ADAM2: variants seen among roughly 807,000 people sequenced by gnomAD.
The protein encoded by ADAM2 is ADAM metallopeptidase domain 2, also known as disintegrin and metalloproteinase domain-containing protein 2.
A neutral mutation model predicts 99.3 loss-of-function variants in ADAM2; 101 were observed. That is an observed-to-expected ratio of 1.02 (90% CI 0.87 to 1.20). The LOEUF (loss-of-function observed/expected upper bound fraction) is 1.20. Among genes scored for constraint, ADAM2 ranks in the 50% most tolerant of loss-of-function variants. ADAM2 has a pLI of 0.00. For synonymous variants in ADAM2, 323 were observed against 287.6 expected, an observed-to-expected ratio of 1.12 and a Z score of -1.25; for missense variants, 948 against 878.7, an observed-to-expected ratio of 1.08 and a Z score of -1.00.
intron 7 of ADAM2, among the ~76,000 whole-genome samples, chr8:39,790,050 G>C (rs1273394570): frequency 6.6e-6 from 1 of 151,862 alleles, no homozygotes; most frequent in African/African-American, 2.4e-5. Context: ...AAGTGTTGGT[G>C]AGGATGTGAA....
intron 17 of ADAM2, 84 bp downstream of exon 17, chr8:39,749,583 G>GTGTA: frequency 3.1e-6 from 3 of 979,116 alleles, no homozygotes; most frequent in South Asian, 1.8e-5. Context: ...GTGTGTGTGT[G>GTGTA]TGCGTGTGTG....
Position 39,755,727 on chromosome 8 carries a change from C to A in ADAM2, c.1797+1G>T. 1 of 1,608,522 alleles carries A rather than the reference C, an allele frequency of 6.2e-7. No individual in the cohort carries two copies. Among genetic ancestry groups the A allele is most frequent in the Non-Finnish European group, 8.5e-7 (1 of 1,177,216 alleles). ...TTATTTGGGAATAAAAGACTACCTA[C>A]CTTATTTGAACCACAAGAAGTTCCA... On this transcript the variant is annotated splice_donor_variant, in intron 16 of 20. Coordinates refer to ENST00000265708, the MANE Select transcript of ADAM2 (RefSeq NM_001464.5). LOFTEE classifies it high-confidence loss of function.
chr8:39,754,236 A>T (rs1802063991), intron 16 of ADAM2, among the ~76,000 whole-genome samples: 1 of 152,206 alleles, frequency 6.6e-6, no homozygotes, highest in South Asian at 2.1e-4. Context: ...GGATATAACC[A>T]GAGTTCCAAT....
At chr8:39,780,352 G>A (rs1803166979) in intron 10 of ADAM2, among the ~76,000 whole-genome samples, 1 of 152,098 alleles carries the variant, frequency 6.6e-6, no homozygotes, top group African/African-American at 2.4e-5. Flanking sequence ...CCATATCAAA[G>A]AGCATTTGAG....
At chr8:39,794,220 G>GAGTAT (rs1327840881) in intron 7 of ADAM2, among the ~76,000 whole-genome samples, 3 of 152,130 alleles carry the variant, frequency 2.0e-5, no homozygotes, top group Non-Finnish European at 4.4e-5. Flanking sequence ...CATATGTACA[G>GAGTAT]AGTATTTTTC....
chr8:39,744,451 T>G (rs1823364697), intron 20 of ADAM2, among the ~76,000 whole-genome samples: 1 of 151,906 alleles, frequency 6.6e-6, no homozygotes, highest in East Asian at 1.9e-4. Flanking sequence ...CCCCCATCCT[T>G]AAAATATTTG....
At chr8:39,769,301 G>T in intron 12 of ADAM2, 91 bp downstream of exon 12, 2 of 1,000,448 alleles carry the variant, frequency 2.0e-6, no homozygotes, top group Admixed American at 2.3e-5. Context: ...AATTTAGCTT[G>T]ATGAATTAAG....
intron 10 of ADAM2, among the ~76,000 whole-genome samples, chr8:39,780,189 A>G (rs1042531425): frequency 1.3e-5 from 2 of 152,122 alleles, no homozygotes; most frequent in Non-Finnish European, 2.9e-5. Flanking sequence ...TTATGAAAGC[A>G]TCAGGTCTCA....
chr8:39,784,222 C>A (rs917753667), intron 10 of ADAM2, among the ~76,000 whole-genome samples: 4 of 152,156 alleles, frequency 2.6e-5, no homozygotes, highest in South Asian at 2.1e-4. Context: ...AGTGAAAGGG[C>A]AGGCAAAATA....
chr8:39,760,918 T>C (rs1460122524), intron 15 of ADAM2, among the ~76,000 whole-genome samples: 1 of 121,402 alleles, frequency 8.2e-6, no homozygotes, highest in African/African-American at 3.4e-5. Context: ...AAAATTAAAG[T>C]AATAGCATGC....
At position 39,788,130 on chromosome 8, in the gene ADAM2, GT is replaced by G; in HGVS notation, c.763del (p.Thr255HisfsTer48). 6.4e-7 allele frequency: 1 copy of G among 1,574,140 alleles called. No homozygotes were observed. The highest frequency in any genetic ancestry group is 8.6e-7 in the Non-Finnish European group (1 of 1,162,576). Reference protein sequence around the residue: ...ELLHTFLRWKTSYLVLRPHDV... With the variant: ...ELLHTFLRWKXSYLVLRPHDV... ...ATGAGGACGTAAAACAAGATAAGATGTTTTCCATCTTAAAAATGTGTGTAAT... is the reference window on the plus strand; with the variant it reads ...ATGAGGACGTAAAACAAGATAAGATGTTTCCATCTTAAAAATGTGTGTAAT... On this transcript the variant is annotated frameshift_variant, in exon 9 of 21. Transcript: ENST00000265708. LOFTEE classifies it high-confidence loss of function.
At chr8:39,795,678 C>A (rs930358164) in intron 7 of ADAM2, among the ~76,000 whole-genome samples, 2 of 152,154 alleles carry the variant, frequency 1.3e-5, no homozygotes, top group African/African-American at 2.4e-5. Context: ...CCACCATGGG[C>A]ACAAGTCATC....
intron 6 of ADAM2, among the ~76,000 whole-genome samples, chr8:39,816,482 A>G (rs527935000): frequency 3.3e-5 from 5 of 152,292 alleles, no homozygotes; most frequent in Non-Finnish European, 4.4e-5. Context: ...AAATAAAAAC[A>G]TATATCCACA....
intron 11 of ADAM2, among the ~76,000 whole-genome samples, chr8:39,775,684 T>C (rs993215227): frequency 6.6e-6 from 1 of 152,158 alleles, no homozygotes; most frequent in Non-Finnish European, 1.5e-5. Flanking sequence ...GATATTAGTG[T>C]ATGGTGACTG....
chr8:39,829,862 C>T (rs981239619), intron 3 of ADAM2, among the ~76,000 whole-genome samples: 3 of 151,844 alleles, frequency 2.0e-5, no homozygotes, highest in African/African-American at 4.8e-5. Context: ...ATTTGAGTGA[C>T]TAAAACTAGA....
intron 10 of ADAM2, among the ~76,000 whole-genome samples, chr8:39,783,855 G>T (rs527902485): frequency 1.3e-5 from 2 of 152,170 alleles, no homozygotes; most frequent in Admixed American, 6.5e-5. Flanking sequence ...AGGAGGCTGA[G>T]GCAGGAGAAT....
intron 10 of ADAM2, among the ~76,000 whole-genome samples, chr8:39,778,603 A>G (rs1803092590): frequency 6.6e-6 from 1 of 152,078 alleles, no homozygotes. Context: ...TAAATACTCC[A>G]TTTATCAAAT....
At chr8:39,797,308 C>T (rs572683544) in intron 7 of ADAM2, among the ~76,000 whole-genome samples, 1 of 151,952 alleles carries the variant, frequency 6.6e-6, no homozygotes, top group East Asian at 1.9e-4. Context: ...AATCGGAGAT[C>T]CTTTCCTCAT....
chr8:39,755,308 T>C (rs1392088110), intron 16 of ADAM2, among the ~76,000 whole-genome samples: 1 of 152,234 alleles, frequency 6.6e-6, no homozygotes, highest in African/African-American at 2.4e-5. Flanking sequence ...TTTTAAAGTT[T>C]GTTTTTTCCT....
Sources: gnomAD v4.1 joint callset for allele counts (sites outside exome capture counted in the v4.1 genomes callset) on GRCh38, gnomAD v4.1.1 for gene constraint, MANE v1.5 for transcripts, NCBI Gene and HGNC (gene_info 2026-07-23, HGNC 2026-07-21) for gene names.